DYM: variants seen among roughly 807,000 people sequenced by gnomAD.
DYM encodes the protein dyggve-Melchior-Clausen syndrome protein.
DYM carries 78 observed loss-of-function variants against 93.1 expected under a neutral mutation model. The observed-to-expected ratio is 0.84, with a 90% CI of 0.70 to 1.01. The LOEUF (loss-of-function observed/expected upper bound fraction) is 1.01. DYM is among the 50% of genes least tolerant of loss of function. The pLI, the probability that DYM is intolerant of heterozygous loss-of-function variation, is 0.00. For synonymous variants in DYM, 321 were observed against 319.7 expected (o/e 1.00, Z -0.04); for missense variants, 789 against 845.0 (o/e 0.93, Z 0.82).
At chr18:49,188,722 G>A (rs1234852940) in intron 14 of DYM, among the ~76,000 whole-genome samples, 1 of 152,148 alleles carries the variant, frequency 6.6e-6, no homozygotes, top group Non-Finnish European at 1.5e-5. Flanking sequence ...ATAGCATTTG[G>A]AGATATACCT....
chr18:49,140,041 T>C (rs2084294468), intron 15 of DYM, among the ~76,000 whole-genome samples: 1 of 152,190 alleles, frequency 6.6e-6, no homozygotes, highest in Non-Finnish European at 1.5e-5. Flanking sequence ...TTTTGAACAA[T>C]GGGCACCCAT....
At chr18:49,234,063 A>G (rs2093786987) in intron 13 of DYM, among the ~76,000 whole-genome samples, 1 of 152,074 alleles carries the variant, frequency 6.6e-6, no homozygotes, top group Non-Finnish European at 1.5e-5. Flanking sequence ...TGGGAGGCGG[A>G]GCTTGCAGTG....
At chr18:49,395,020 T>C (rs2069869066) in intron 2 of DYM, among the ~76,000 whole-genome samples, 1 of 149,754 alleles carries the variant, frequency 6.7e-6, no homozygotes, top group South Asian at 2.1e-4. Flanking sequence ...ATGTACTACC[T>C]GAAACTATGA....
intron 13 of DYM, among the ~76,000 whole-genome samples, chr18:49,212,622 A>G (rs1263287076): frequency 6.6e-6 from 1 of 152,010 alleles, no homozygotes; most frequent in African/African-American, 2.4e-5. Context: ...CAGCCTCCCA[A>G]ATAGCTGGAA....
intron 17 of DYM, among the ~76,000 whole-genome samples, chr18:49,096,011 T>C (rs1181793888): frequency 6.6e-6 from 1 of 152,150 alleles, no homozygotes; most frequent in East Asian, 1.9e-4. Context: ...GTTCACATGG[T>C]ATAGTTTACA....
intron 15 of DYM, among the ~76,000 whole-genome samples, chr18:49,160,214 T>G (rs1289267574): frequency 6.6e-6 from 1 of 152,174 alleles, no homozygotes; most frequent in African/African-American, 2.4e-5. Context: ...TTGAGTACAA[T>G]TTTTGTTTTA....
At chr18:49,067,399 G>A (rs974769598) in intron 17 of DYM, among the ~76,000 whole-genome samples, 1 of 151,380 alleles carries the variant, frequency 6.6e-6, no homozygotes, top group African/African-American at 2.4e-5. Flanking sequence ...AAGGAGTAGG[G>A]TGATGTGAGT....
intron 15 of DYM, among the ~76,000 whole-genome samples, chr18:49,151,703 A>G (rs2085838204): frequency 1.3e-5 from 2 of 152,210 alleles, no homozygotes; most frequent in African/African-American, 4.8e-5. Flanking sequence ...CTATGGTTTC[A>G]AGAATTAGAT....
intron 14 of DYM, among the ~76,000 whole-genome samples, chr18:49,207,033 C>T (rs1184357629): frequency 6.6e-6 from 1 of 152,186 alleles, no homozygotes; most frequent in Non-Finnish European, 1.5e-5. Context: ...CATCTTTCTC[C>T]TCATTTTTAA....
intron 13 of DYM, among the ~76,000 whole-genome samples, chr18:49,217,411 A>G (rs527441095): frequency 2.2e-3 from 328 of 152,226 alleles, no homozygotes; most frequent in African/African-American, 7.5e-3. Flanking sequence ...GAACGCCACA[A>G]AGATACTCCT....
Position 49,327,412 on chromosome 18 carries a change from G to A in DYM, c.763+4452C>T, listed in dbSNP as rs567800604. On this transcript the variant is annotated intron_variant, in intron 8 of 17. Transcript: ENST00000675505. ...AAGTCTGTCACTCAGGCTGGAGTGC[G>A]GTGGCGTGATCACAGCACACTGCAG... 7.2e-5 allele frequency among the ~76,000 whole-genome samples: 11 copies of A among 151,898 alleles called. No individual in the cohort carries two copies. The South Asian group carries it at 1.5e-3, about 20-fold the overall frequency.
intron 17 of DYM, among the ~76,000 whole-genome samples, chr18:49,090,179 G>A (rs1232613506): frequency 2.6e-5 from 4 of 152,158 alleles, no homozygotes; most frequent in Non-Finnish European, 5.9e-5. Context: ...TATAAGACTT[G>A]ATCTTTGTCT....
intron 8 of DYM, among the ~76,000 whole-genome samples, chr18:49,316,002 C>T (rs2061907168): frequency 6.6e-6 from 1 of 152,156 alleles, no homozygotes; most frequent in South Asian, 2.1e-4. Flanking sequence ...CATGAATAGG[C>T]CGTGTGCAGT....
At chr18:49,140,705 A>G (rs1215488666) in intron 15 of DYM, among the ~76,000 whole-genome samples, 1 of 152,186 alleles carries the variant, frequency 6.6e-6, no homozygotes, top group Non-Finnish European at 1.5e-5. Context: ...TGGGTTGGCT[A>G]AAAAACAGGA....
chr18:49,344,236 C>T (rs889678912), intron 6 of DYM, among the ~76,000 whole-genome samples: 1 of 152,074 alleles, frequency 6.6e-6, no homozygotes, highest in Non-Finnish European at 1.5e-5. Flanking sequence ...TTTAAAGAAA[C>T]ATGTGGGCAA....
chr18:49,260,979 A>G (rs1275752192), intron 11 of DYM, among the ~76,000 whole-genome samples: 1 of 152,192 alleles, frequency 6.6e-6, no homozygotes, highest in Non-Finnish European at 1.5e-5. Flanking sequence ...ACAAACAACA[A>G]CAAACACAAC....
chr18:49,240,741 G>A (rs200902825), intron 13 of DYM, among the ~76,000 whole-genome samples: 328 of 152,026 alleles, frequency 2.2e-3, no homozygotes, highest in African/African-American at 7.5e-3. Context: ...AAAGTGGCTA[G>A]TTCAGCTCAC....
At chr18:49,377,395 AC>A (rs1339130546) in intron 5 of DYM, among the ~76,000 whole-genome samples, 1 of 152,030 alleles carries the variant, frequency 6.6e-6, no homozygotes, top group African/African-American at 2.4e-5. Flanking sequence ...CCCCATCTCT[AC>A]TAAAAATACA....
chr18:49,331,018 T>A lies in DYM; in HGVS notation c.763+846A>T, dbSNP rs148941539. On this transcript the variant is annotated intron_variant, in intron 8 of 17. Coordinates refer to ENST00000675505, the MANE Select transcript of DYM (RefSeq NM_001353214.3). ...AGAAGCTCCCAACACTAGTAAGTTA[T>A]CACAGTGCTACCTTTTCATATCAAA... 3.9e-5 allele frequency among the ~76,000 whole-genome samples: 6 copies of A among 152,340 alleles called. No homozygotes were observed. The East Asian group carries it at 1.2e-3, about 29-fold the overall frequency.
Sources: gnomAD v4.1 joint callset for allele counts (sites outside exome capture counted in the v4.1 genomes callset) on GRCh38, gnomAD v4.1.1 for gene constraint, MANE v1.5 for transcripts, NCBI Gene and HGNC (gene_info 2026-07-23, HGNC 2026-07-21) for gene names.